Variants in AUTS2 observed in about 807,000 individuals in gnomAD.
AUTS2 encodes the protein autism susceptibility gene 2 protein.
A neutral mutation model predicts 112.4 loss-of-function variants in AUTS2; 17 were observed. That is an observed-to-expected ratio of 0.15 (90% confidence interval 0.10 to 0.23). The LOEUF is 0.23. AUTS2 is among the 10% of genes least tolerant of loss of function. The probability of loss-of-function intolerance (pLI) is 1.00; values close to 1 mark genes in which losing one functional copy is unlikely to be tolerated. For missense variants in AUTS2, 1,510 were observed against 1,701.6 expected (o/e 0.89, Z 1.98); for synonymous variants, 751 against 702.7 (o/e 1.07, Z -1.09).
chr7:70,126,387 T>A (rs530944277), intron 3 of AUTS2, among the ~76,000 whole-genome samples: 2 of 152,210 alleles, frequency 1.3e-5, no homozygotes, highest in Non-Finnish European at 2.9e-5. Flanking sequence ...CCAGCCTGGG[T>A]GACAGAGTGA....
intron 2 of AUTS2, among the ~76,000 whole-genome samples, chr7:70,079,755 G>A (rs1194943556): frequency 6.6e-6 from 1 of 151,914 alleles, no homozygotes; most frequent in African/African-American, 2.4e-5. Context: ...CACAGAAATT[G>A]GTAAACAGGA....
intron 4 of AUTS2, among the ~76,000 whole-genome samples, chr7:70,398,334 C>T (rs1794176209): frequency 6.6e-6 from 1 of 152,184 alleles, no homozygotes; most frequent in Admixed American, 6.5e-5. Flanking sequence ...CTATAGCTCA[C>T]TCTGAGGAGA....
chr7:70,774,347 C>G (rs749581824), intron 12 of AUTS2: 1 of 499,908 alleles, frequency 2.0e-6, no homozygotes, highest in South Asian at 3.2e-5. Context: ...ACGGTCTGAG[C>G]CCAGAAATTG....
At chr7:69,667,350 GTTT>G (rs58991076) in intron 1 of AUTS2, among the ~76,000 whole-genome samples, 213 of 134,398 alleles carry the variant, frequency 1.6e-3, no homozygotes, top group African/African-American at 3.0e-3. Flanking sequence ...GTTTTGTTGT[GTTT>G]TTTTTTTTTT....
intron 4 of AUTS2, among the ~76,000 whole-genome samples, chr7:70,335,759 A>G (rs1790959925): frequency 6.6e-6 from 1 of 152,194 alleles, no homozygotes; most frequent in Non-Finnish European, 1.5e-5. Context: ...GTTTTTTCCA[A>G]CAGCAGGTAT....
chr7:70,716,505 C>T (rs1279733816), intron 6 of AUTS2, among the ~76,000 whole-genome samples: 2 of 151,818 alleles, frequency 1.3e-5, no homozygotes, highest in Non-Finnish European at 2.9e-5. Context: ...TGGTGGCAGG[C>T]GCCTGTAGTC....
chr7:70,392,678 T>G (rs754396561), intron 4 of AUTS2, among the ~76,000 whole-genome samples: 13 of 152,234 alleles, frequency 8.5e-5, no homozygotes, highest in Non-Finnish European at 1.5e-4. Flanking sequence ...GAAAACCAAC[T>G]GATGCATACT....
chr7:70,208,402 A>C (rs1810687620), intron 4 of AUTS2, among the ~76,000 whole-genome samples: 1 of 152,220 alleles, frequency 6.6e-6, no homozygotes, highest in African/African-American at 2.4e-5. Context: ...TAAGGCTTTC[A>C]TGACATTTCA....
At chr7:69,692,827 T>G (rs1797404910) in intron 1 of AUTS2, among the ~76,000 whole-genome samples, 1 of 152,242 alleles carries the variant, frequency 6.6e-6, no homozygotes, top group African/African-American at 2.4e-5. Flanking sequence ...AAGCACATAA[T>G]TTTAGCCTGT....
At chr7:69,662,938 G>A (rs1039797413) in intron 1 of AUTS2, among the ~76,000 whole-genome samples, 3 of 152,102 alleles carry the variant, frequency 2.0e-5, no homozygotes, top group African/African-American at 4.8e-5. Flanking sequence ...GTTCTATCCC[G>A]TGTGATTTCC....
chr7:69,903,223 G>A (rs1795034710), intron 2 of AUTS2, among the ~76,000 whole-genome samples: 1 of 152,118 alleles, frequency 6.6e-6, no homozygotes, highest in African/African-American at 2.4e-5. Flanking sequence ...AAGTCACAAT[G>A]AAACCACTCA....
intron 5 of AUTS2, among the ~76,000 whole-genome samples, chr7:70,679,893 CAT>C (rs1467984152): frequency 6.6e-6 from 1 of 152,188 alleles, no homozygotes; most frequent in East Asian, 1.9e-4. Context: ...TGTGATGACA[CAT>C]TTACCCTTTT....
chr7:69,760,629 T>C (rs1281481025), intron 1 of AUTS2, among the ~76,000 whole-genome samples: 1 of 152,160 alleles, frequency 6.6e-6, no homozygotes, highest in East Asian at 1.9e-4. Context: ...GAGACCAGCC[T>C]GACCAACATG....
intron 5 of AUTS2, among the ~76,000 whole-genome samples, chr7:70,457,404 G>A (rs1399714210): frequency 1.3e-5 from 2 of 152,014 alleles, no homozygotes; most frequent in African/African-American, 4.8e-5. Context: ...CCACACCTCA[G>A]ACACGTCCTC....
chr7:69,813,424 G>A (rs1790629793), intron 1 of AUTS2, among the ~76,000 whole-genome samples: 1 of 152,182 alleles, frequency 6.6e-6, no homozygotes, highest in Non-Finnish European at 1.5e-5. Context: ...GAAGGACAGT[G>A]GCTCTGGAGT....
chr7:70,009,328 G>T (rs1799690465), intron 2 of AUTS2, among the ~76,000 whole-genome samples: 1 of 152,128 alleles, frequency 6.6e-6, no homozygotes, highest in Non-Finnish European at 1.5e-5. Context: ...TGTTGCATTG[G>T]GGATTCAGTT....
Position 70,450,336 on chromosome 7 carries a change from C to CA in AUTS2, c.690+14561dup, listed in dbSNP as rs200677182. Among the ~76,000 whole-genome samples the CA allele has an allele frequency of 3.2e-3, 487 of 152,124 alleles. 18 individuals carry two copies. The East Asian group carries it at 0.071, about 22-fold the overall frequency. On this transcript the variant is annotated intron_variant, in intron 5 of 18. Transcript: ENST00000342771. ...TGAGGAATGGCATGATGTCTGAATG[C>CA]AAAAAACTGAGCCATACTCTGTAAG...
chr7:69,888,999 A>T (rs1363526421), intron 1 of AUTS2, among the ~76,000 whole-genome samples: 1 of 152,226 alleles, frequency 6.6e-6, no homozygotes, highest in Non-Finnish European at 1.5e-5. Flanking sequence ...AGTACAATTC[A>T]TAGCATGGCC....
chr7:70,052,170 G>A lies in AUTS2; in HGVS notation c.523-65962G>A, dbSNP rs115343564. On this transcript the variant is annotated intron_variant, in intron 2 of 18. Coordinates refer to ENST00000342771, the MANE Select transcript of AUTS2 (RefSeq NM_015570.4). ...TGTGGTATGTCACCATCTGAGTTCT[G>A]TTATAAAGCTCCTAGGCAATGACTA... Among the ~76,000 whole-genome samples the A allele has an allele frequency of 2.9e-3, 435 of 152,276 alleles. 2 individuals carry two copies. Among genetic ancestry groups the A allele is most frequent in the African/African-American group, 9.7e-3 (403 of 41,564 alleles).
Sources: allele counts gnomAD v4.1 joint callset (sites outside exome capture counted in the v4.1 genomes callset), GRCh38; gene constraint gnomAD v4.1.1; transcripts MANE v1.5; gene names NCBI Gene and HGNC (gene_info 2026-07-23, HGNC 2026-07-21).